Variants in BDH1 observed in about 807,000 individuals in gnomAD.
BDH1 encodes the protein D-beta-hydroxybutyrate dehydrogenase, mitochondrial.
In BDH1, 30 loss-of-function variants were observed where a neutral mutation model predicts 33.1. That is an observed-to-expected ratio of 0.91 (90% CI 0.68 to 1.23). The LOEUF is 1.23. Ranked by LOEUF, BDH1 falls within the 50% of genes most tolerant of loss-of-function variation. The pLI, the probability that BDH1 is intolerant of heterozygous loss-of-function variation, is 0.00. For missense variants in BDH1, 443 were observed against 464.4 expected (o/e 0.95, Z 0.42); for synonymous variants, 190 against 183.6 (o/e 1.03, Z -0.28).
rs61663838 is a variant in BDH1, at chr3:197,531,409, T to TAAAA, written c.267+999_267+1002dup. On this transcript the variant is annotated intron_variant, in intron 5 of 7. Coordinates refer to ENST00000392379, the MANE Select transcript of BDH1 (RefSeq NM_203314.3). ...AAGACTCTGTCTCAAAAACATAAAT[T>TAAAA]AAAAAAAAAATATATATATATATAT... Among the ~76,000 whole-genome samples the TAAAA allele has an allele frequency of 2.2e-3, 311 of 139,000 alleles. 1 individual carries two copies. Among genetic ancestry groups the TAAAA allele is most frequent in the African/African-American group, 8.1e-3 (303 of 37,524 alleles). The allele number at this position is 139,000 out of a possible 152,430, so 91.2% of individuals were successfully genotyped here.
rs756743976 is a variant in BDH1 at position 197,516,463 on chromosome 3, A to G, written c.410-2047T>C. Among the ~76,000 whole-genome samples, 1 of 152,108 alleles carries G rather than the reference A, an allele frequency of 6.6e-6. No individual in the cohort carries two copies. Among genetic ancestry groups the G allele is most frequent in the Non-Finnish European group, 1.5e-5 (1 of 68,022 alleles). On this transcript the variant is annotated intron_variant, in intron 6 of 7. Transcript: ENST00000392379. This position sits in a 1 kb window ranked among gnomAD's most constrained non-coding sequence, Gnocchi z 4.2. Reference sequence around the variant, plus strand: ...GTTGAGAGTGGTGGACCTAGTTGCCATCTGGAATCCTCAGCCAATGTTCTG... The same window carrying G: ...GTTGAGAGTGGTGGACCTAGTTGCCGTCTGGAATCCTCAGCCAATGTTCTG...
Position 197,546,397 on chromosome 3 carries a change from T to C in BDH1, c.47A>G (p.Lys16Arg). 6.2e-7 allele frequency: 1 copy of C among 1,614,132 alleles called. No homozygotes were observed. The highest frequency in any genetic ancestry group is 1.3e-5 in the African/African-American group (1 of 75,036). ...TTCTCTATCACAGGCACTTAGGGTT[T>C]TTCCTGGGAGCCGTGACAGGGGTCT... is the stretch of plus-strand genomic sequence containing the variant. The part of the protein sequence containing the change: ...LSRPLSRLPG[K>R]TLSACDRENG... Residue 16 changes from lysine (K) to arginine (R), a missense_variant, in exon 3 of 8, where the codon AAA becomes AGA. Physicochemically the swap from Lys to Arg is conservative, Grantham distance 26. Coordinates refer to ENST00000392379, the MANE Select transcript of BDH1 (RefSeq NM_203314.3).
chr3:197,515,521 C>G (rs938873482), intron 6 of BDH1: 1 of 985,588 alleles, frequency 1.0e-6, no homozygotes, highest in Non-Finnish European at 1.2e-6. Flanking sequence ...ACGTCATCTT[C>G]GAGACCATAG....
intron 4 of BDH1, 30 bp downstream of exon 4, chr3:197,533,459 T>A: frequency 1.2e-6 from 2 of 1,610,150 alleles, no homozygotes; most frequent in Non-Finnish European, 1.7e-6. Context: ...ACCATCCAAC[T>A]GGCTCCCGGG....
At chr3:197,542,332 G>A (rs1044219058) in intron 3 of BDH1, among the ~76,000 whole-genome samples, 1 of 152,122 alleles carries the variant, frequency 6.6e-6, no homozygotes, top group East Asian at 1.9e-4. Flanking sequence ...CCCATGAGGC[G>A]TTAGGCCCAA....
rs1201331463 is a variant in BDH1 at position 197,512,093 on chromosome 3, A to G, written c.834T>C (p.Asp278=). 6.8e-6 allele frequency: 11 copies of G among 1,614,054 alleles called. No individual in the cohort carries two copies. The highest frequency in any genetic ancestry group is 8.5e-6 in the Non-Finnish European group (10 of 1,180,048). Reference sequence around the variant, plus strand: ...AGGTCTCCATCTTGGCGATCTTTTCATCAAAGTACTTCTTGCCGTAGTCCT... The same window carrying G: ...AGGTCTCCATCTTGGCGATCTTTTCGTCAAAGTACTTCTTGCCGTAGTCCT... ...VRKDYGKKYF[D]EKIAKMETYC... is the part of the protein sequence containing the mutation. Residue 278 remains aspartate, a synonymous_variant, in exon 8 of 8, where the codon GAT becomes GAC. Coordinates refer to ENST00000392379, the MANE Select transcript of BDH1 (RefSeq NM_203314.3).
intron 1 of BDH1, among the ~76,000 whole-genome samples, chr3:197,562,572 A>G (rs1717301661): frequency 6.6e-6 from 1 of 152,184 alleles, no homozygotes; most frequent in Non-Finnish European, 1.5e-5. Context: ...CAGGAAATGC[A>G]TATAAGGGCT....
intron 6 of BDH1, chr3:197,515,521 C>T (rs938873482): frequency 6.1e-6 from 6 of 985,588 alleles, no homozygotes; most frequent in African/African-American, 5.2e-5. Flanking sequence ...ACGTCATCTT[C>T]GAGACCATAG....
At chr3:197,542,689 A>G (rs1050755538) in intron 3 of BDH1, among the ~76,000 whole-genome samples, 1 of 151,422 alleles carries the variant, frequency 6.6e-6, no homozygotes, top group African/African-American at 2.4e-5. Context: ...GGCCCGGCTA[A>G]TTTTGTATTT....
intron 2 of BDH1, among the ~76,000 whole-genome samples, chr3:197,548,992 CA>C (rs1400116417): frequency 3.3e-5 from 5 of 152,214 alleles, no homozygotes; most frequent in Non-Finnish European, 7.3e-5. Flanking sequence ...AAAGACTCTT[CA>C]GGGTAGCTGT....
chr3:197,512,386 C>G (rs150101930), intron 7 of BDH1, 22 bp from the exon 8 acceptor site: 10 of 1,584,610 alleles, frequency 6.3e-6, no homozygotes, highest in Admixed American at 1.7e-5. Context: ...GACAGAGGTA[C>G]CTGCTAAGCC....
chr3:197,546,426 G>A lies in BDH1; in HGVS notation c.18C>T (p.Leu6=), dbSNP rs1163356341. The stretch of plus-strand genomic sequence containing the variant: ...CTGGGAGCCGTGACAGGGGTCTGGA[G>A]AGGCGGGTGGCCAGCATGGTAGCAA... The part of the protein sequence containing the change: MLATR[L]SRPLSRLPGK... Residue 6 remains leucine, a synonymous_variant, in exon 3 of 8, where the codon CTC becomes CTT. Transcript: ENST00000392379. 3.7e-6 allele frequency: 6 copies of A among 1,614,024 alleles called. No individual in the cohort carries two copies. Among genetic ancestry groups the A allele is most frequent in the East Asian group, 2.2e-5 (1 of 44,890 alleles).
At position 197,510,697 on chromosome 3, in the gene BDH1, G is replaced by GTACA. The variant is rs1337010051; in HGVS notation, c.*1197_*1198insTGTA. Reference sequence around the variant, plus strand: ...ACATGTGTGTAAGGTGTGTGTGTGTGTGTGTGTGTGTGTGTGTGTGTACAT... The same window carrying GTACA: ...ACATGTGTGTAAGGTGTGTGTGTGTGTACATGTGTGTGTGTGTGTGTGTGTACAT... On this transcript the variant is annotated 3_prime_UTR_variant, in exon 8 of 8. Coordinates refer to ENST00000392379, the MANE Select transcript of BDH1 (RefSeq NM_203314.3). 1.1e-4 allele frequency: 11 copies of GTACA among 101,690 alleles called. No homozygotes were observed. Among genetic ancestry groups the GTACA allele is most frequent in the Non-Finnish European group, 1.8e-4 (9 of 48,748 alleles). 6.3% of individuals were successfully genotyped at this position (101,690 alleles called of 1,614,324 possible).
chr3:197,514,656 C>T lies in BDH1; in HGVS notation c.410-240G>A, dbSNP rs770441747. Among the ~76,000 whole-genome samples, 1 of 152,202 alleles carries T rather than the reference C, an allele frequency of 6.6e-6. No individual in the cohort carries two copies. Among genetic ancestry groups the T allele is most frequent in the Non-Finnish European group, 1.5e-5 (1 of 68,022 alleles). Reference sequence around the variant, plus strand: ...CAGTCCTCACGTCACATCTGCCTGGCTCGAGTCTCTGGGCCCATCATGACC... The same window carrying T: ...CAGTCCTCACGTCACATCTGCCTGGTTCGAGTCTCTGGGCCCATCATGACC... On this transcript the variant is annotated intron_variant, in intron 6 of 7. Coordinates refer to ENST00000392379, the MANE Select transcript of BDH1 (RefSeq NM_203314.3). The surrounding 1 kb of genome is among the most constrained non-coding windows in gnomAD (Gnocchi z 4.2).
chr3:197,511,628 G>A lies in BDH1; in HGVS notation c.*267C>T, dbSNP rs1712027942. On this transcript the variant is annotated 3_prime_UTR_variant, in exon 8 of 8. Coordinates refer to ENST00000392379, the MANE Select transcript of BDH1 (RefSeq NM_203314.3). ...ATAAAGATGTTTTCTTAAAATCTCT[G>A]TATGAAATTATCTCCGGAGAGATAG... 4.8e-6 allele frequency: 2 copies of A among 418,008 alleles called. No individual in the cohort carries two copies. The highest frequency in any genetic ancestry group is 8.4e-6 in the Non-Finnish European group (2 of 237,322). 25.9% of individuals were successfully genotyped at this position (418,008 alleles called of 1,614,324 possible).
rs572561157 is a variant in BDH1 at position 197,550,828 on chromosome 3, C to T, written c.-44+3734G>A. Among the ~76,000 whole-genome samples the T allele has an allele frequency of 1.3e-3, 199 of 152,358 alleles. 1 individual carries two copies. The highest frequency in any genetic ancestry group is 4.5e-3 in the African/African-American group (189 of 41,576). ...CCCAGCTCCAGAAGCCATGCTGTGC[C>T]TTTACAGTCTCTGTGTAATTTAAGC... On this transcript the variant is annotated intron_variant, in intron 2 of 7. Transcript: ENST00000392379.
chr3:197,546,293 C>T, intron 3 of BDH1, 68 bp downstream of exon 3: 3 of 1,475,856 alleles, frequency 2.0e-6, no homozygotes, highest in Admixed American at 1.7e-5. Context: ...CTACACTGTC[C>T]ATGTGTGAAA....
intron 3 of BDH1, among the ~76,000 whole-genome samples, chr3:197,545,806 A>G (rs994133162): frequency 2.6e-5 from 4 of 152,262 alleles, no homozygotes; most frequent in African/African-American, 7.2e-5. Flanking sequence ...CAACTTTTGT[A>G]TAAGTCCAAA....
At chr3:197,551,765 G>A (rs187304279) in intron 2 of BDH1, among the ~76,000 whole-genome samples, 72 of 152,138 alleles carry the variant, frequency 4.7e-4, no homozygotes, top group African/African-American at 1.1e-3. Context: ...ACCTTATAAC[G>A]ACACTGGAAC....
Sources: allele counts gnomAD v4.1 joint callset (sites outside exome capture counted in the v4.1 genomes callset), GRCh38; gene constraint gnomAD v4.1.1; non-coding constraint Gnocchi (gnomAD v3.1); transcripts MANE v1.5; gene names NCBI Gene and HGNC (gene_info 2026-07-23, HGNC 2026-07-21).